Variants in ACTN4 observed in about 807,000 individuals in gnomAD.
ACTN4 encodes the protein actinin alpha 4.
In ACTN4, 18 loss-of-function variants were observed where a neutral mutation model predicts 114.2. The observed-to-expected ratio is 0.16, with a 90% CI of 0.11 to 0.23. ACTN4 has a LOEUF of 0.23. ACTN4 is among the 10% of genes least tolerant of loss of function. The probability of loss-of-function intolerance (pLI) is 1.00; values close to 1 mark genes in which losing one functional copy is unlikely to be tolerated. For missense variants in ACTN4, 722 were observed against 1,262.9 expected (o/e 0.57, Z 6.49); for synonymous variants, 515 against 506.3 (o/e 1.02, Z -0.23).
At chr19:38,691,635 G>T (rs1271103520) in intron 1 of ACTN4, among the ~76,000 whole-genome samples, 1 of 151,902 alleles carries the variant, frequency 6.6e-6, no homozygotes, top group Non-Finnish European at 1.5e-5. Context: ...TGGCGCGGTG[G>T]CTCACGCCTG....
At chr19:38,666,219 C>T (rs1451966504) in intron 1 of ACTN4, among the ~76,000 whole-genome samples, 1 of 130,226 alleles carries the variant, frequency 7.7e-6, no homozygotes, top group Non-Finnish European at 1.9e-5. Context: ...CAACTTCGCC[C>T]CTGTCCCCCC....
chr19:38,679,505 C>T (rs937300952), intron 1 of ACTN4, among the ~76,000 whole-genome samples: 3 of 152,088 alleles, frequency 2.0e-5, no homozygotes, highest in African/African-American at 7.2e-5. Context: ...CTTGTTTCAT[C>T]AGTGTCTCCC....
intron 1 of ACTN4, among the ~76,000 whole-genome samples, chr19:38,665,565 C>T (rs960237680): frequency 6.6e-6 from 1 of 152,102 alleles, no homozygotes; most frequent in Non-Finnish European, 1.5e-5. Flanking sequence ...CTCCAGTGCT[C>T]CCCAGGAAGC....
rs758027406 is a variant in ACTN4 at position 38,724,416 on chromosome 19, C to T, written c.1876-15C>T. The stretch of plus-strand genomic sequence containing the variant: ...CACCTCCCTGACCGCTCCCACACCG[C>T]GTCTCCTCTGCCAGGTGCAGCAGCT... On this transcript the variant is annotated splice_polypyrimidine_tract_variant and intron_variant, in intron 15 of 20. Transcript: ENST00000252699. This position sits in a 1 kb window ranked among gnomAD's most constrained non-coding sequence, Gnocchi z 7.0. 10 of 1,612,634 alleles carry T rather than the reference C, an allele frequency of 6.2e-6. No homozygotes were observed. Among genetic ancestry groups the T allele is most frequent in the Admixed American group, 1.7e-5 (1 of 59,926 alleles).
intron 1 of ACTN4, among the ~76,000 whole-genome samples, chr19:38,699,624 A>T (rs554321974): frequency 6.6e-6 from 1 of 152,208 alleles, no homozygotes; most frequent in East Asian, 1.9e-4. Flanking sequence ...GCATGTTGGC[A>T]TACACCCGTA....
intron 17 of ACTN4, 145 bp from the exon 18 acceptor site, chr19:38,726,812 C>G (rs1326519270): frequency 8.0e-7 from 1 of 1,254,476 alleles, no homozygotes; most frequent in Non-Finnish European, 1.1e-6. Context: ...CAGGGAGGCA[C>G]CATGGCCCGT....
rs140340230 is a variant in ACTN4 at position 38,668,934 on chromosome 19, T to G, written c.162+21027T>G. ...ACCTCCAGGAGAGTTGTGTGTTTGGTTCTTGGTGTATGGTTTCGTAGGCTC... is the reference window on the plus strand; with the variant it reads ...ACCTCCAGGAGAGTTGTGTGTTTGGGTCTTGGTGTATGGTTTCGTAGGCTC... On this transcript the variant is annotated intron_variant, in intron 1 of 20. Coordinates refer to ENST00000252699, the MANE Select transcript of ACTN4 (RefSeq NM_004924.6). 2.4e-3 allele frequency among the ~76,000 whole-genome samples: 367 copies of G among 152,166 alleles called. 2 individuals are homozygous for G. Among genetic ancestry groups the G allele is most frequent in the African/African-American group, 8.4e-3 (349 of 41,510 alleles).
At chr19:38,669,261 C>T (rs889101441) in intron 1 of ACTN4, among the ~76,000 whole-genome samples, 3 of 152,178 alleles carry the variant, frequency 2.0e-5, no homozygotes, top group Admixed American at 2.0e-4. Context: ...GCTGGGATTA[C>T]AGGCGTGAGT....
chr19:38,716,785 C>T (rs1178852401), intron 9 of ACTN4, among the ~76,000 whole-genome samples: 1 of 152,246 alleles, frequency 6.6e-6, no homozygotes, highest in Non-Finnish European at 1.5e-5. Context: ...GATCATGCCA[C>T]TTCACTCCAG....
At chr19:38,700,219 T>C (rs567493807) in intron 1 of ACTN4, among the ~76,000 whole-genome samples, 2 of 152,252 alleles carry the variant, frequency 1.3e-5, no homozygotes, top group Non-Finnish European at 2.9e-5. Context: ...TTTGTGTGAC[T>C]GAGTGAGCCG....
rs779728212 is a variant in ACTN4 at position 38,727,146 on chromosome 19, T to C, written c.2337+43T>C. ...TCCTCGGCCTCTCCCCTCCCGCCGT[T>C]GCCGTACCAGCCCACACCTTCGTCT... On this transcript the variant is annotated intron_variant, in intron 18 of 20. Coordinates refer to ENST00000252699, the MANE Select transcript of ACTN4 (RefSeq NM_004924.6). The surrounding 1 kb of genome is among the most constrained non-coding windows in gnomAD (Gnocchi z 5.4). 6.2e-7 allele frequency: 1 copy of C among 1,613,184 alleles called. No individual in the cohort carries two copies. Among genetic ancestry groups the C allele is most frequent in the East Asian group, 2.2e-5 (1 of 44,870 alleles).
At chr19:38,726,416 C>T (rs1446855515) in intron 17 of ACTN4, among the ~76,000 whole-genome samples, 1 of 152,194 alleles carries the variant, frequency 6.6e-6, no homozygotes, top group African/African-American at 2.4e-5. Flanking sequence ...GTTCTAGGGG[C>T]CCACAGAGGG....
At chr19:38,670,329 C>T (rs1967089625) in intron 1 of ACTN4, among the ~76,000 whole-genome samples, 3 of 152,174 alleles carry the variant, frequency 2.0e-5, no homozygotes, top group African/African-American at 7.2e-5. Flanking sequence ...ACATGCAGCC[C>T]CCTTTCAGGA....
At chr19:38,704,799 G>A (rs376942211) in intron 3 of ACTN4, 135 bp from the exon 4 acceptor site, 131 of 752,388 alleles carry the variant, frequency 1.7e-4, no homozygotes, top group African/African-American at 1.7e-3. Flanking sequence ...AGGAGGACAG[G>A]CCTGGGAGAT....
At chr19:38,654,040 C>T (rs553306530) in intron 1 of ACTN4, among the ~76,000 whole-genome samples, 3 of 152,262 alleles carry the variant, frequency 2.0e-5, no homozygotes, top group East Asian at 1.9e-4. Context: ...GCAGCCTAGG[C>T]GCCAGAATTT....
chr19:38,673,737 TTATA>T (rs1216299672), intron 1 of ACTN4, among the ~76,000 whole-genome samples: 3 of 101,122 alleles, frequency 3.0e-5, no homozygotes, highest in African/African-American at 1.0e-4. Flanking sequence ...TTATATATAT[TTATA>T]TATTTATATA....
At chr19:38,715,120 C>T (rs1000992542) in intron 9 of ACTN4, among the ~76,000 whole-genome samples, 3 of 152,330 alleles carry the variant, frequency 2.0e-5, no homozygotes, top group East Asian at 1.9e-4. Flanking sequence ...CTCTAGAGTC[C>T]AAACCCAATG....
intron 12 of ACTN4, 170 bp downstream of exon 12, chr19:38,721,858 C>G: frequency 1.0e-6 from 1 of 970,800 alleles, no homozygotes; most frequent in Non-Finnish European, 1.6e-6. Flanking sequence ...GGGATGAGGC[C>G]TTTTGCCCAT....
intron 3 of ACTN4, 125 bp downstream of exon 3, chr19:38,701,246 A>G (rs564426485): frequency 6.7e-7 from 1 of 1,482,024 alleles, no homozygotes; most frequent in Non-Finnish European, 9.1e-7. Flanking sequence ...TCAGAGCCCC[A>G]GTACATACTC....
Sources: gnomAD v4.1 joint callset for allele counts (sites outside exome capture counted in the v4.1 genomes callset) on GRCh38, gnomAD v4.1.1 for gene constraint, Gnocchi (gnomAD v3.1) non-coding constraint, MANE v1.5 for transcripts, NCBI Gene and HGNC (gene_info 2026-07-23, HGNC 2026-07-21) for gene names.